The following AFF2 variants were observed in gnomAD, a reference collection of about 807,000 sequenced individuals.
AFF2 encodes ALF transcription elongation factor 2.
A neutral mutation model predicts 76.9 loss-of-function variants in AFF2; 14 were observed. The ratio of observed to expected loss-of-function variants is 0.18; its 90% CI spans 0.12 to 0.28. The LOEUF is 0.28. Among genes scored for constraint, AFF2 ranks in the 10% least tolerant of loss-of-function variants. AFF2 has a pLI of 1.00. For synonymous variants in AFF2, 398 were observed against 366.7 expected, an observed-to-expected ratio of 1.09 and a Z score of -0.98; for missense variants, 868 against 1,001.1, an observed-to-expected ratio of 0.87 and a Z score of 1.79.
chrX:148,912,373 A>G (rs1430040223), intron 9 of AFF2, among the ~76,000 whole-genome samples: 1 of 111,559 alleles, frequency 9.0e-6, no homozygotes, highest in African/African-American at 3.3e-5. Context: ...TATGAGTGAG[A>G]ACATAAATAC....
At chrX:148,546,672 G>C (rs2052924482) in intron 1 of AFF2, among the ~76,000 whole-genome samples, 1 of 112,097 alleles carries the variant, frequency 8.9e-6, no homozygotes, top group Non-Finnish European at 1.9e-5. Context: ...TATAAGCACA[G>C]CTCATTTTCT....
chrX:148,973,822 TGTGA>T (rs1603351576), intron 16 of AFF2, among the ~76,000 whole-genome samples: 1 of 112,168 alleles, frequency 8.9e-6, no homozygotes, highest in Non-Finnish European at 1.9e-5. Flanking sequence ...GAAGTTATAA[TGTGA>T]GTGTTATAAT....
At chrX:148,740,108 A>G (rs983639830) in intron 3 of AFF2, among the ~76,000 whole-genome samples, 11 of 111,676 alleles carry the variant, frequency 9.8e-5, no homozygotes, top group South Asian at 7.5e-4. Context: ...ACTTTGGATA[A>G]CCCAATGACA....
chrX:148,877,761 C>T (rs1444911878), intron 7 of AFF2, among the ~76,000 whole-genome samples: 1 of 111,959 alleles, frequency 8.9e-6, no homozygotes, highest in Non-Finnish European at 1.9e-5. Context: ...TTGGTCCTTG[C>T]CCCCATTGAG....
intron 1 of AFF2, among the ~76,000 whole-genome samples, chrX:148,645,303 A>G (rs2054134252): frequency 8.9e-6 from 1 of 112,248 alleles, no homozygotes; most frequent in Non-Finnish European, 1.9e-5. Context: ...GATAACTATC[A>G]TATGTAACCT....
At chrX:148,938,507 G>T (rs1471962532) in intron 9 of AFF2, among the ~76,000 whole-genome samples, 1 of 111,862 alleles carries the variant, frequency 8.9e-6, no homozygotes, top group Non-Finnish European at 1.9e-5. Context: ...ACCAATAAAT[G>T]AATAAACCAC....
chrX:148,549,783 C>T lies in AFF2; in HGVS notation c.47+48639C>T, dbSNP rs575866879. Reference sequence around the variant, plus strand: ...AAATTATGTTTGACCACTCTTTGCTCTTCTTTCCCCCAGTTGCTATTTCTG... The same window carrying T: ...AAATTATGTTTGACCACTCTTTGCTTTTCTTTCCCCCAGTTGCTATTTCTG... On this transcript the variant is annotated intron_variant, in intron 1 of 20. Transcript: ENST00000370460. Among the ~76,000 whole-genome samples the T allele has an allele frequency of 3.6e-5, 4 of 111,895 alleles. No homozygotes were observed. The South Asian group carries it at 1.1e-3, about 31-fold the overall frequency.
intron 9 of AFF2, among the ~76,000 whole-genome samples, chrX:148,916,831 G>T (rs1289905512): frequency 8.9e-6 from 1 of 111,805 alleles, no homozygotes; most frequent in African/African-American, 3.3e-5. Flanking sequence ...CCTCCCACAA[G>T]AATGTAAGGT....
rs1234085607 is a variant in AFF2, at chrX:148,855,708, C to T, written c.1262+12275C>T. Among the ~76,000 whole-genome samples, 4 of 111,692 alleles carry T rather than the reference C, an allele frequency of 3.6e-5. No individual in the cohort carries two copies. The South Asian group carries it at 1.1e-3, about 31-fold the overall frequency. On this transcript the variant is annotated intron_variant, in intron 7 of 20. Transcript: ENST00000370460. ...CAATGCAGAACTTGAAGTGGACAGG[C>T]TCTGTGCTGGAATGGCTGGGTTCAA... is the stretch of plus-strand genomic sequence containing the variant.
chrX:148,780,763 C>T (rs2069732404), intron 3 of AFF2, among the ~76,000 whole-genome samples: 2 of 111,807 alleles, frequency 1.8e-5, no homozygotes, highest in Admixed American at 1.9e-4. Context: ...GTTCGTCAAA[C>T]TTATTCTTTG....
At chrX:148,764,795 A>T (rs1210996721) in intron 3 of AFF2, among the ~76,000 whole-genome samples, 1 of 112,111 alleles carries the variant, frequency 8.9e-6, no homozygotes, top group Non-Finnish European at 1.9e-5. Context: ...TTCACCTTGG[A>T]GTTCAAATGT....
chrX:148,505,771 C>T (rs782293654), intron 1 of AFF2, among the ~76,000 whole-genome samples: 46 of 112,039 alleles, frequency 4.1e-4, no homozygotes, highest in Admixed American at 7.5e-4. Flanking sequence ...ATTAGCCTGT[C>T]ACGTAGACAA....
intron 1 of AFF2, among the ~76,000 whole-genome samples, chrX:148,649,134 A>G (rs782717008): frequency 5.4e-5 from 6 of 111,973 alleles, no homozygotes; most frequent in Admixed American, 1.9e-4. Context: ...ACAGACATAT[A>G]CTTTCCTGCA....
intron 9 of AFF2, among the ~76,000 whole-genome samples, chrX:148,952,952 A>G (rs2071987175): frequency 9.0e-6 from 1 of 111,200 alleles, no homozygotes; most frequent in Non-Finnish European, 1.9e-5. Flanking sequence ...GCCCTCAGCA[A>G]TGAATATGCT....
chrX:148,652,845 G>T (rs1603268172), intron 2 of AFF2, among the ~76,000 whole-genome samples: 1 of 111,962 alleles, frequency 8.9e-6, no homozygotes, highest in South Asian at 3.7e-4. Flanking sequence ...TATGATGGAA[G>T]AATCTTATTG....
chrX:148,752,272 T>C (rs1471834142), intron 3 of AFF2, among the ~76,000 whole-genome samples: 1 of 112,000 alleles, frequency 8.9e-6, no homozygotes, highest in African/African-American at 3.2e-5. Context: ...AGCAAACAAG[T>C]TATAATATGA....
intron 1 of AFF2, among the ~76,000 whole-genome samples, chrX:148,513,568 T>C (rs952145908): frequency 2.7e-5 from 3 of 111,698 alleles, no homozygotes; most frequent in Admixed American, 1.9e-4. Context: ...GCTGGAAATA[T>C]GTGGGTTTAT....
intron 4 of AFF2, among the ~76,000 whole-genome samples, chrX:148,816,532 A>T (rs1557272171): frequency 9.0e-6 from 1 of 111,631 alleles, no homozygotes; most frequent in Admixed American, 9.6e-5. Flanking sequence ...TGATTTTCAG[A>T]ATAAGTGGAA....
chrX:148,646,093 C>T (rs968241790), intron 1 of AFF2, among the ~76,000 whole-genome samples: 2 of 111,686 alleles, frequency 1.8e-5, no homozygotes, highest in African/African-American at 6.5e-5. Flanking sequence ...CAAATTCATT[C>T]AGAGAGAAAG....
Sources: gnomAD v4.1 joint callset for allele counts (sites outside exome capture counted in the v4.1 genomes callset) on GRCh38, gnomAD v4.1.1 for gene constraint, MANE v1.5 for transcripts, NCBI Gene and HGNC (gene_info 2026-07-23, HGNC 2026-07-21) for gene names.